Variants in ZNF385B observed in about 807,000 individuals in gnomAD.
ZNF385B encodes the protein zinc finger protein 533.
ZNF385B carries 23 observed loss-of-function variants against 39.2 expected under a neutral mutation model. The ratio of observed to expected loss-of-function variants is 0.59; its 90% confidence interval spans 0.42 to 0.83. ZNF385B has a LOEUF of 0.83. Ranked by LOEUF, ZNF385B falls within the 40% of genes least tolerant of loss-of-function variation. The pLI is 0.00. For synonymous variants in ZNF385B, 205 were observed against 222.6 expected, an observed-to-expected ratio of 0.92 and a Z score of 0.70; for missense variants, 552 against 598.9, an observed-to-expected ratio of 0.92 and a Z score of 0.82.
rs534209157 is a variant in ZNF385B, at chr2:179,690,549, A to G, written c.298+78954T>C. Among the ~76,000 whole-genome samples, 495 of 152,340 alleles carry G rather than the reference A, an allele frequency of 3.2e-3. 1 individual carries two copies. Among genetic ancestry groups the G allele is most frequent in the Non-Finnish European group, 5.5e-3 (375 of 68,030 alleles). ...TCAAAATCATGCTGTTCAAGGGCCA[A>G]TTGTAATTGTGTTCAATTGCTGATT... On this transcript the variant is annotated intron_variant, in intron 3 of 9. Transcript: ENST00000410066.
intron 3 of ZNF385B, among the ~76,000 whole-genome samples, chr2:179,579,121 C>T (rs1383688103): frequency 3.3e-5 from 5 of 151,954 alleles, no homozygotes; most frequent in Non-Finnish European, 7.4e-5. Flanking sequence ...ACAATGACCT[C>T]TTATGTTGGG....
intron 1 of ZNF385B, among the ~76,000 whole-genome samples, chr2:179,840,170 T>A (rs1250047842): frequency 6.6e-6 from 1 of 152,180 alleles, no homozygotes; most frequent in Non-Finnish European, 1.5e-5. Flanking sequence ...AATCAAGGCA[T>A]TCACACAGGA....
chr2:179,551,713 CTT>C (rs1317304680), intron 3 of ZNF385B, among the ~76,000 whole-genome samples: 4 of 152,084 alleles, frequency 2.6e-5, no homozygotes, highest in Non-Finnish European at 5.9e-5. Context: ...ACTCACTTCT[CTT>C]GAGTATGCCC....
At chr2:179,520,796 G>A (rs7595030) in intron 4 of ZNF385B, among the ~76,000 whole-genome samples, 63,718 of 151,826 alleles carry the variant, frequency 0.42, 13,927 homozygotes, top group East Asian at 0.54. Flanking sequence ...CCTAAATACC[G>A]GTTTTATGCA....
intron 1 of ZNF385B, among the ~76,000 whole-genome samples, chr2:179,856,373 C>T (rs1439577656): frequency 1.3e-5 from 2 of 151,978 alleles, no homozygotes; most frequent in Non-Finnish European, 2.9e-5. Context: ...GTGCAGATCC[C>T]ACATGGCATT....
chr2:179,545,310 A>G lies in ZNF385B; in HGVS notation c.299-341T>C, dbSNP rs563140425. On this transcript the variant is annotated intron_variant, in intron 3 of 9. Coordinates refer to ENST00000410066, the MANE Select transcript of ZNF385B (RefSeq NM_152520.6). ...CTCTGACTCGCCAAAAGTGCAGGAG[A>G]GAAGAGGGGAGGAACCCCTTGAAGC... Among the ~76,000 whole-genome samples the G allele has an allele frequency of 2.0e-5, 3 of 152,192 alleles. No individual in the cohort carries two copies. In the East Asian group the frequency reaches 5.8e-4, roughly 29 times the overall value.
chr2:179,587,453 T>G (rs1209824400), intron 3 of ZNF385B, among the ~76,000 whole-genome samples: 1 of 152,214 alleles, frequency 6.6e-6, no homozygotes, highest in Non-Finnish European at 1.5e-5. Flanking sequence ...AACTAGTTTG[T>G]CCTTTTCGTT....
intron 3 of ZNF385B, among the ~76,000 whole-genome samples, chr2:179,607,479 T>G (rs892982097): frequency 1.3e-5 from 2 of 152,320 alleles, no homozygotes; most frequent in Admixed American, 6.5e-5. Context: ...GTAAGTTTCC[T>G]GAGGCCTCCC....
At chr2:179,810,261 A>G (rs1463827642) in intron 1 of ZNF385B, among the ~76,000 whole-genome samples, 1 of 151,928 alleles carries the variant, frequency 6.6e-6, no homozygotes, top group Non-Finnish European at 1.5e-5. Flanking sequence ...ATGACTTTAA[A>G]AAGAAGAAAA....
chr2:179,454,402 T>A (rs764414198), intron 6 of ZNF385B, among the ~76,000 whole-genome samples: 5 of 152,232 alleles, frequency 3.3e-5, no homozygotes, highest in Admixed American at 6.5e-5. Flanking sequence ...CACAATTATG[T>A]AAGGTATATA....
chr2:179,684,934 A>G (rs1025232834), intron 3 of ZNF385B, among the ~76,000 whole-genome samples: 1 of 152,254 alleles, frequency 6.6e-6, no homozygotes, highest in South Asian at 2.1e-4. Context: ...AAGATAATTC[A>G]AAGTGCTTAA....
chr2:179,711,898 T>C (rs1700023685), intron 3 of ZNF385B, among the ~76,000 whole-genome samples: 1 of 150,148 alleles, frequency 6.7e-6, no homozygotes, highest in Admixed American at 6.6e-5. Context: ...TTTTTTTTTT[T>C]TTTTTTTTTA....
intron 6 of ZNF385B, among the ~76,000 whole-genome samples, chr2:179,452,978 T>C (rs1297296732): frequency 6.6e-6 from 1 of 152,178 alleles, no homozygotes; most frequent in Non-Finnish European, 1.5e-5. Flanking sequence ...AGTTTTGAAC[T>C]AGCATTATGA....
Position 179,483,412 on chromosome 2 carries a change from T to C in ZNF385B, c.575A>G (p.Lys192Arg). 1 of 1,614,022 alleles carries C rather than the reference T, an allele frequency of 6.2e-7. No homozygotes were observed. Among genetic ancestry groups the C allele is most frequent in the South Asian group, 1.1e-5 (1 of 91,084 alleles). The change falls in exon 6 of 10, where the codon AAA (lysine) becomes AGA (arginine). Residue 192 changes from lysine (K) to arginine (R), a missense_variant. Physicochemically the swap from Lys to Arg is conservative, Grantham distance 26. Transcript: ENST00000410066. ...GACCTTCTTGGCATGTTTACTTCCT[T>C]TGTAGTGGGCCTCGGCCTGGCTCTA... The part of the protein sequence containing the change: ...NSDSQAEAHY[K>R]GSKHAKKVKA...
At chr2:179,669,968 G>A (rs893895408) in intron 3 of ZNF385B, among the ~76,000 whole-genome samples, 2 of 152,108 alleles carry the variant, frequency 1.3e-5, no homozygotes, top group African/African-American at 4.8e-5. Flanking sequence ...CTGGAGGTGA[G>A]GGAAAATCCC....
At chr2:179,728,549 T>C (rs1701170126) in intron 3 of ZNF385B, among the ~76,000 whole-genome samples, 1 of 152,106 alleles carries the variant, frequency 6.6e-6, no homozygotes, top group Non-Finnish European at 1.5e-5. Flanking sequence ...AAATACACAT[T>C]TGTGGATCTT....
intron 1 of ZNF385B, among the ~76,000 whole-genome samples, chr2:179,807,145 ATAT>A (rs1706402374): frequency 6.6e-6 from 1 of 152,218 alleles, no homozygotes; most frequent in African/African-American, 2.4e-5. Flanking sequence ...TGGATATGAA[ATAT>A]TATTTACATT....
chr2:179,737,933 A>C (rs545564920), intron 3 of ZNF385B, among the ~76,000 whole-genome samples: 194 of 152,306 alleles, frequency 1.3e-3, no homozygotes, highest in African/African-American at 4.5e-3. Flanking sequence ...TGCAGAACTA[A>C]TGTAATGAAC....
chr2:179,658,135 A>G (rs1409397232), intron 3 of ZNF385B, among the ~76,000 whole-genome samples: 2 of 152,246 alleles, frequency 1.3e-5, no homozygotes, highest in East Asian at 3.8e-4. Flanking sequence ...ATGTATCTTC[A>G]AGGTGGGTAT....
Sources: allele counts gnomAD v4.1 joint callset (sites outside exome capture counted in the v4.1 genomes callset), GRCh38; gene constraint gnomAD v4.1.1; transcripts MANE v1.5; gene names NCBI Gene and HGNC (gene_info 2026-07-23, HGNC 2026-07-21).